The following ARHGAP23 variants were observed in gnomAD, a reference collection of about 807,000 sequenced individuals.
ARHGAP23 encodes Rho GTPase activating protein 23.
A neutral mutation model predicts 136.3 loss-of-function variants in ARHGAP23; 34 were observed. The ratio of observed to expected loss-of-function variants is 0.25; its 90% CI spans 0.19 to 0.33. The LOEUF (loss-of-function observed/expected upper bound fraction) is 0.33, where lower values mean the gene tolerates loss of function less well. Ranked by LOEUF, ARHGAP23 falls within the 10% of genes least tolerant of loss-of-function variation. ARHGAP23 has a pLI of 1.00. For synonymous variants in ARHGAP23, 832 were observed against 920.5 expected (o/e 0.90, Z 1.74); for missense variants, 1,808 against 2,139.0 (o/e 0.85, Z 3.05).
In ARHGAP23 at chr17:38,477,838, G is replaced by A. The variant is rs1405646515; in HGVS notation, c.2378G>A (p.Arg793Gln). ...FCEYLFQAED[R>Q]DDMLGWIRAI... ...GAATATCTCTTTCAGGCTGAGGACC[G>A]GGATGACATGCTGGGCTGGATCAGA... Residue 793 changes from arginine to glutamine, a missense_variant, in exon 12 of 24, where the codon CGG (arginine) becomes CAG (glutamine). Physicochemically the swap from Arg to Gln is conservative, Grantham distance 43. This residue lies in a region of ARHGAP23 where 139 missense variants were observed against 264.3 expected (regional missense o/e 0.53). Coordinates refer to ENST00000622683, the MANE Select transcript of ARHGAP23 (RefSeq NM_001199417.2). This position sits in a 1 kb window ranked among gnomAD's most constrained non-coding sequence, Gnocchi z 6.6. The A allele has an allele frequency of 2.4e-5, 37 of 1,549,600 alleles. No homozygotes were observed. The highest frequency in any genetic ancestry group is 3.0e-5 in the Non-Finnish European group (34 of 1,146,570).
At chr17:38,461,036 T>C in intron 3 of ARHGAP23, 104 bp downstream of exon 3, 14 of 1,476,430 alleles carry the variant, frequency 9.5e-6, no homozygotes, top group Non-Finnish European at 1.3e-5. Flanking sequence ...TGTGCCCCCC[T>C]CCCTTGACTC....
At chr17:38,428,436 T>TCCC (rs2038607130), upstream of ARHGAP23, 2 of 1,197,330 alleles carry the variant, frequency 1.7e-6, no homozygotes, top group Non-Finnish European at 2.2e-6. Context: ...CCCGGGTCCC[T>TCCC]GCCGGCGCCC....
In ARHGAP23 at chr17:38,460,894, G is replaced by A; in HGVS notation, c.226-11G>A. ...GACTGACGCCCACACCCACTCCTCT[G>A]TTCCCTGCAGGAGGAAGAGAATGGA... On this transcript the variant is annotated splice_polypyrimidine_tract_variant and intron_variant, in intron 2 of 23. Coordinates refer to ENST00000622683, the MANE Select transcript of ARHGAP23 (RefSeq NM_001199417.2). 6.5e-7 allele frequency: 1 copy of A among 1,536,074 alleles called. No homozygotes were observed. Among genetic ancestry groups the A allele is most frequent in the Non-Finnish European group, 8.7e-7 (1 of 1,146,876 alleles).
rs568292369 is a variant in ARHGAP23 at position 38,469,474 on chromosome 17, C to T, written c.1805-50C>T. ...CAGAAGGGAGGGCTCTGGGAAGCCCCTGACCTGCTGCCCCGCTGACCCTGA... is the reference window on the plus strand; with the variant it reads ...CAGAAGGGAGGGCTCTGGGAAGCCCTTGACCTGCTGCCCCGCTGACCCTGA... On this transcript the variant is annotated intron_variant, in intron 8 of 23. Transcript: ENST00000622683. 2.6e-6 allele frequency: 4 copies of T among 1,521,858 alleles called. No individual in the cohort carries two copies. In the South Asian group the frequency reaches 4.9e-5, roughly 19 times the overall value. The allele number at this position is 1,521,858 out of a possible 1,614,324, so 94.3% of individuals were successfully genotyped here. A position where few individuals can be genotyped will look rare whatever the true frequency, so the allele number is the denominator to read the frequency against.
chr17:38,506,134 A>T (rs2040629895), intron 23 of ARHGAP23, among the ~76,000 whole-genome samples: 1 of 152,226 alleles, frequency 6.6e-6, no homozygotes, highest in Non-Finnish European at 1.5e-5. Flanking sequence ...GCCTTTGGTC[A>T]TCGCTGATTC....
chr17:38,507,235 C>G (rs941982547), intron 23 of ARHGAP23, among the ~76,000 whole-genome samples: 1 of 150,878 alleles, frequency 6.6e-6, no homozygotes, highest in Non-Finnish European at 1.5e-5. Flanking sequence ...GATTGCGCCA[C>G]CTACACTCCA....
At chr17:38,439,942 C>T (rs1371422152) in intron 1 of ARHGAP23, among the ~76,000 whole-genome samples, 1 of 151,716 alleles carries the variant, frequency 6.6e-6, no homozygotes. Context: ...GTTGACCAGG[C>T]TGGTCTAACT....
At chr17:38,465,808 G>A (rs992121993) in intron 6 of ARHGAP23, among the ~76,000 whole-genome samples, 1 of 152,084 alleles carries the variant, frequency 6.6e-6, no homozygotes, top group African/African-American at 2.4e-5. Context: ...TCCACCCGAG[G>A]AGCTTTGGGC....
intron 16 of ARHGAP23, among the ~76,000 whole-genome samples, chr17:38,485,598 G>C (rs1023036696): frequency 1.3e-5 from 2 of 152,204 alleles, no homozygotes; most frequent in African/African-American, 4.8e-5. Flanking sequence ...GAGGGTCAGA[G>C]AAGGCCTCTT....
intron 1 of ARHGAP23, among the ~76,000 whole-genome samples, chr17:38,456,941 C>T (rs1258148084): frequency 6.6e-6 from 1 of 151,942 alleles, no homozygotes; most frequent in Non-Finnish European, 1.5e-5. Context: ...GACGAAGTCT[C>T]GCTCTGTCAC....
At chr17:38,498,564 G>C (rs1398538573) in intron 22 of ARHGAP23, 54 bp downstream of exon 22, 17 of 1,390,454 alleles carry the variant, frequency 1.2e-5, no homozygotes, top group Admixed American at 5.0e-5. Context: ...CTGCATTCCT[G>C]AGGGTCCCAG....
intron 1 of ARHGAP23, among the ~76,000 whole-genome samples, chr17:38,423,295 C>T (rs887987770): frequency 1.3e-4 from 20 of 151,844 alleles, no homozygotes; most frequent in Admixed American, 9.2e-4. Flanking sequence ...TGGGTTCAAG[C>T]GATTCTCCTG....
At chr17:38,467,354 G>A (rs2039635371) in intron 7 of ARHGAP23, 23 bp downstream of exon 7, 2 of 1,457,114 alleles carry the variant, frequency 1.4e-6, no homozygotes, top group Non-Finnish European at 1.8e-6. Context: ...ACATGTGGCT[G>A]TCCTGGGGGA....
intron 17 of ARHGAP23, among the ~76,000 whole-genome samples, chr17:38,489,046 T>A (rs1448553571): frequency 4.0e-5 from 6 of 151,796 alleles, no homozygotes; most frequent in Admixed American, 1.3e-4. Flanking sequence ...CAGTTAATTT[T>A]TATATTTTTA....
Position 38,481,102 on chromosome 17 carries a change from A to G in ARHGAP23, c.2630-920A>G, listed in dbSNP as rs540099087. On this transcript the variant is annotated intron_variant, in intron 14 of 23. Transcript: ENST00000622683. ...GCGATTCTTGTGCCTCAGCCCCGCT[A>G]GTAACTGGGATTACAGGCATGTGCC... Among the ~76,000 whole-genome samples, 55 of 152,030 alleles carry G rather than the reference A, an allele frequency of 3.6e-4. 1 individual carries two copies. Among genetic ancestry groups the G allele is most frequent in the African/African-American group, 1.2e-3 (49 of 41,466 alleles).
At position 38,486,165 on chromosome 17, in the gene ARHGAP23, G is replaced by A. The variant is rs917130634; in HGVS notation, c.2986+25G>A. ...GGTGAGTAGGAGGTGGAAGTGGGGC[G>A]GGGAGGGGACACCAGTCCGTGCCTC... On this transcript the variant is annotated intron_variant, in intron 17 of 23. Coordinates refer to ENST00000622683, the MANE Select transcript of ARHGAP23 (RefSeq NM_001199417.2). The A allele has an allele frequency of 8.4e-6, 13 of 1,543,588 alleles. No individual in the cohort carries two copies. In the East Asian group the frequency reaches 9.8e-5, roughly 12 times the overall value.
chr17:38,498,983 C>T (rs1332216778), intron 22 of ARHGAP23: 1 of 699,666 alleles, frequency 1.4e-6, no homozygotes, highest in Non-Finnish European at 2.6e-6. Flanking sequence ...GCCTCGGTCA[C>T]TAACAGTGGC....
intron 16 of ARHGAP23, among the ~76,000 whole-genome samples, chr17:38,483,842 C>G (rs183690298): frequency 5.3e-4 from 80 of 152,120 alleles, no homozygotes; most frequent in Non-Finnish European, 9.9e-4. Flanking sequence ...GGAAGCCTTT[C>G]GGGGTGTGAG....
chr17:38,443,768 G>A lies in ARHGAP23; in HGVS notation c.64-14334G>A, dbSNP rs568966280. Among the ~76,000 whole-genome samples, 525 of 152,264 alleles carry A rather than the reference G, an allele frequency of 3.4e-3. 5 individuals are homozygous for A. The highest frequency in any genetic ancestry group is 0.012 in the African/African-American group (478 of 41,546). Reference sequence around the variant, plus strand: ...CCCCATGTGCCCCCGGGAGACTTTCGGAATCTGCTGAGACCTGCCCTGGGA... The same window carrying A: ...CCCCATGTGCCCCCGGGAGACTTTCAGAATCTGCTGAGACCTGCCCTGGGA... On this transcript the variant is annotated intron_variant, in intron 1 of 23. Transcript: ENST00000622683.
Sources: allele counts gnomAD v4.1 joint callset (sites outside exome capture counted in the v4.1 genomes callset), GRCh38; gene constraint gnomAD v4.1.1; regional missense constraint gnomAD v4.1.1; non-coding constraint Gnocchi (gnomAD v3.1); transcripts MANE v1.5; gene names NCBI Gene and HGNC (gene_info 2026-07-23, HGNC 2026-07-21).